Variants in PLCH1 observed in about 807,000 individuals in gnomAD.
PLCH1 encodes the protein 1-phosphatidylinositol 4,5-bisphosphate phosphodiesterase eta-1.
Under a neutral mutation model 126.7 loss-of-function variants are expected in PLCH1, and 60 were observed. The ratio of observed to expected loss-of-function variants is 0.47; its 90% CI spans 0.38 to 0.59. PLCH1 has a LOEUF of 0.59. Ranked by LOEUF, PLCH1 falls within the 20% of genes least tolerant of loss-of-function variation. The pLI is 0.00. For synonymous variants in PLCH1, 719 were observed against 734.9 expected (o/e 0.98, Z 0.35); for missense variants, 1,723 against 2,040.0 (o/e 0.84, Z 2.99).
chr3:155,689,060 G>T (rs1745175450), intron 2 of PLCH1, among the ~76,000 whole-genome samples: 1 of 152,154 alleles, frequency 6.6e-6, no homozygotes, highest in Non-Finnish European at 1.5e-5. Context: ...CAGTGGTTGT[G>T]ATTACAGGGG....
At chr3:155,598,797 A>C (rs1733331639) in intron 2 of PLCH1, among the ~76,000 whole-genome samples, 1 of 152,228 alleles carries the variant, frequency 6.6e-6, no homozygotes, top group African/African-American at 2.4e-5. Context: ...ATTCATGTAA[A>C]GTACTGAAAA....
At chr3:155,452,794 C>T (rs1227404464) in intron 21 of PLCH1, among the ~76,000 whole-genome samples, 2 of 152,290 alleles carry the variant, frequency 1.3e-5, no homozygotes, top group African/African-American at 4.8e-5. Flanking sequence ...TCAAGTGCCA[C>T]ATAAATGACC....
chr3:155,510,133 C>G (rs1328151742), intron 12 of PLCH1, among the ~76,000 whole-genome samples: 1 of 59,268 alleles, frequency 1.7e-5, no homozygotes, highest in Non-Finnish European at 2.8e-5. Context: ...CTCTTTTGAT[C>G]TTTGTTGGTT....
At chr3:155,473,366 A>G (rs1713373242) in intron 21 of PLCH1, among the ~76,000 whole-genome samples, 1 of 152,208 alleles carries the variant, frequency 6.6e-6, no homozygotes, top group East Asian at 1.9e-4. Flanking sequence ...TCCAACTTAC[A>G]AGGGACGTGA....
chr3:155,595,157 A>G (rs1267384015), intron 3 of PLCH1, among the ~76,000 whole-genome samples: 1 of 152,244 alleles, frequency 6.6e-6, no homozygotes, highest in African/African-American at 2.4e-5. Flanking sequence ...AATGGGAGAT[A>G]AAACTGGAAA....
chr3:155,519,952 A>G (rs1576892841), intron 11 of PLCH1, among the ~76,000 whole-genome samples: 1 of 152,110 alleles, frequency 6.6e-6, no homozygotes, highest in East Asian at 1.9e-4. Flanking sequence ...TGGCTGAAGA[A>G]CAGCTGCTTC....
rs773951695 is a variant in PLCH1 at position 155,488,708 on chromosome 3, G to A, written c.2491C>T (p.Arg831Ter). Reference sequence around the variant, plus strand: ...ACAGTTCTTTGTCCAACAAAGTCTCGTCCAATGGGATCGTGATCCCACACA... The same window carrying A: ...ACAGTTCTTTGTCCAACAAAGTCTCATCCAATGGGATCGTGATCCCACACA... ...FLVWDHDPIG[R>*]DFVGQRTVTF... Residue 831 changes from arginine to a stop codon, truncating the protein, a stop_gained, in exon 20 of 23, where the codon CGA (arginine) becomes TGA (stop). Transcript: ENST00000460012. LOFTEE classifies it high-confidence loss of function. 8 of 1,613,922 alleles carry A rather than the reference G, an allele frequency of 5.0e-6. No homozygotes were observed. Among genetic ancestry groups the A allele is most frequent in the East Asian group, 2.2e-5 (1 of 44,880 alleles).
At chr3:155,742,380 G>T (rs903374105) in intron 1 of PLCH1, 1 of 152,146 alleles carries the variant, frequency 6.6e-6, no homozygotes, top group African/African-American at 2.4e-5. Context: ...TTGATGATGT[G>T]GGAAAATATA....
At chr3:155,559,059 TTA>T (rs1316652971) in intron 8 of PLCH1, among the ~76,000 whole-genome samples, 3 of 152,176 alleles carry the variant, frequency 2.0e-5, no homozygotes, top group Non-Finnish European at 4.4e-5. Context: ...CTGGCCATCC[TTA>T]TATGACATGA....
chr3:155,700,737 T>A (rs1278505108), intron 2 of PLCH1, among the ~76,000 whole-genome samples: 1 of 151,954 alleles, frequency 6.6e-6, no homozygotes, highest in Admixed American at 6.6e-5. Flanking sequence ...TGGTTAAGAA[T>A]CAAGACTGCA....
intron 2 of PLCH1, among the ~76,000 whole-genome samples, chr3:155,663,994 T>C (rs991941310): frequency 6.6e-6 from 1 of 152,240 alleles, no homozygotes; most frequent in African/African-American, 2.4e-5. Flanking sequence ...AACTGTCTTT[T>C]ACTCTGCCTT....
intron 2 of PLCH1, among the ~76,000 whole-genome samples, chr3:155,665,217 A>T (rs1214673967): frequency 6.6e-6 from 1 of 152,168 alleles, no homozygotes; most frequent in Non-Finnish European, 1.5e-5. Context: ...ATCTCTTGGA[A>T]GAGAGCCACT....
intron 21 of PLCH1, among the ~76,000 whole-genome samples, chr3:155,468,248 C>T (rs184742345): frequency 8.0e-4 from 122 of 151,788 alleles, no homozygotes; most frequent in African/African-American, 2.3e-3. Context: ...AAAAGACATA[C>T]GAAGAATACA....
intron 2 of PLCH1, among the ~76,000 whole-genome samples, chr3:155,673,176 A>G (rs2108991077): frequency 6.7e-6 from 1 of 148,750 alleles, no homozygotes; most frequent in South Asian, 2.1e-4. Flanking sequence ...TACACCTGAC[A>G]TCATCCTCAT....
At chr3:155,610,540 A>G (rs943383792) in intron 2 of PLCH1, among the ~76,000 whole-genome samples, 2 of 152,140 alleles carry the variant, frequency 1.3e-5, no homozygotes, top group Non-Finnish European at 2.9e-5. Context: ...ATAAGCTAGT[A>G]GAAACTGGGA....
In PLCH1 at chr3:155,710,777, G is replaced by T. The variant is rs140966266; in HGVS notation, c.-40-6513C>A. Among the ~76,000 whole-genome samples the T allele has an allele frequency of 8.6e-3, 1,297 of 150,386 alleles. 19 individuals carry two copies. Among genetic ancestry groups the T allele is most frequent in the African/African-American group, 0.03 (1,243 of 40,802 alleles). Reference sequence around the variant, plus strand: ...GAACCCGGGAGGCAGAGGTTGCAGTGAGCTGAGATCGTGCCACTATACTCC... The same window carrying T: ...GAACCCGGGAGGCAGAGGTTGCAGTTAGCTGAGATCGTGCCACTATACTCC... On this transcript the variant is annotated intron_variant, in intron 1 of 22. Coordinates refer to ENST00000460012, the MANE Select transcript of PLCH1 (RefSeq NM_014996.4).
intron 10 of PLCH1, among the ~76,000 whole-genome samples, chr3:155,538,613 A>G (rs969370052): frequency 1.4e-3 from 217 of 152,324 alleles, no homozygotes; most frequent in African/African-American, 5.1e-3. Flanking sequence ...CAAGGATACT[A>G]TGAACACCTT....
intron 18 of PLCH1, 147 bp downstream of exon 18, chr3:155,492,582 C>T: frequency 1.7e-6 from 1 of 586,936 alleles, no homozygotes; most frequent in South Asian, 4.6e-5. Context: ...GTGTGACTTA[C>T]CAATAAATCA....
At chr3:155,463,674 A>G (rs76068589) in intron 21 of PLCH1, among the ~76,000 whole-genome samples, 1 of 152,216 alleles carries the variant, frequency 6.6e-6, no homozygotes, top group Non-Finnish European at 1.5e-5. Context: ...TCTTTATATT[A>G]CAGAATCCTA....
Sources: gnomAD v4.1 joint callset for allele counts (sites outside exome capture counted in the v4.1 genomes callset) on GRCh38, gnomAD v4.1.1 for gene constraint, MANE v1.5 for transcripts, NCBI Gene and HGNC (gene_info 2026-07-23, HGNC 2026-07-21) for gene names.